TAF7: variants seen among roughly 807,000 people sequenced by gnomAD.
TAF7 encodes the protein transcription initiation factor TFIID subunit 7.
A neutral mutation model predicts 25.3 loss-of-function variants in TAF7; 9 were observed. The observed-to-expected ratio is 0.36, with a 90% CI of 0.21 to 0.62. The LOEUF is 0.62. Ranked by LOEUF, TAF7 falls within the 20% of genes least tolerant of loss-of-function variation. The probability of loss-of-function intolerance (pLI) is 0.72; values close to 1 mark genes in which losing one functional copy is unlikely to be tolerated. For synonymous variants in TAF7, 127 were observed against 146.7 expected (o/e 0.87, Z 0.97); for missense variants, 311 against 410.6 (o/e 0.76, Z 2.10).
In TAF7 at chr5:141,319,754, G is replaced by A. The variant is rs1430959909; in HGVS notation, c.291C>T (p.Ser97=). Residue 97 remains serine, a synonymous_variant, in exon 1 of 1, where the codon TCC becomes TCT. Transcript: ENST00000313368. This position sits in a 1 kb window ranked among gnomAD's most constrained non-coding sequence, Gnocchi z 5.3. Reference sequence around the variant, plus strand: ...GAGGATAGAGATCACCATCAACTGTGGATACAAGCATCTGACAGATATCAG... The same window carrying A: ...GAGGATAGAGATCACCATCAACTGTAGATACAAGCATCTGACAGATATCAG... ...KTADICQMLV[S]TVDGDLYPPV... 3 of 1,614,044 alleles carry A rather than the reference G, an allele frequency of 1.9e-6. No individual in the cohort carries two copies. The highest frequency in any genetic ancestry group is 2.5e-6 in the Non-Finnish European group (3 of 1,180,028).
chr5:141,319,762 G>C lies in TAF7; in HGVS notation c.283C>G (p.Leu95Val). The C allele has an allele frequency of 6.2e-7, 1 of 1,614,124 alleles. No homozygotes were observed. The highest frequency in any genetic ancestry group is 1.7e-5 in the Admixed American group (1 of 60,030). The change falls in exon 1 of 1, where the codon CTT becomes GTT. Residue 95 changes from leucine (L) to valine (V), a missense_variant. Leu to Val is a conservative substitution (Grantham distance 32). Coordinates refer to ENST00000313368, the MANE Select transcript of TAF7 (RefSeq NM_005642.3). The surrounding 1 kb of genome is among the most constrained non-coding windows in gnomAD (Gnocchi z 5.3). ...AGATCACCATCAACTGTGGATACAA[G>C]CATCTGACAGATATCAGCTGTCTTG... is the stretch of plus-strand genomic sequence containing the variant. ...FYKTADICQM[L>V]VSTVDGDLYP...
chr5:141,318,566 G>C lies in TAF7; in HGVS notation c.*429C>G, dbSNP rs1002930624. The C allele has an allele frequency of 6.5e-6, 1 of 154,668 alleles. No homozygotes were observed. The highest frequency in any genetic ancestry group is 1.4e-5 in the Non-Finnish European group (1 of 69,890). The allele number at this position is 154,668 out of a possible 1,614,324, so 9.6% of individuals were successfully genotyped here. A position where few individuals can be genotyped will look rare whatever the true frequency, so the allele number is the denominator to read the frequency against. The stretch of plus-strand genomic sequence containing the variant: ...TTTGCATCTCTACATATAGAAAGCT[G>C]CTTTGAATAACTGGGAAAACAATTA... On this transcript the variant is annotated 3_prime_UTR_variant, in exon 1 of 1. Coordinates refer to ENST00000313368, the MANE Select transcript of TAF7 (RefSeq NM_005642.3).
In TAF7 at chr5:141,320,045, C is replaced by T. The variant is rs1429205836; in HGVS notation, c.-1G>A. On this transcript the variant is annotated 5_prime_UTR_variant, in exon 1 of 1. Transcript: ENST00000313368. ...GAGCATCATCTTTGCTTTTACTCAT[C>T]TTTATTTCCTTGTGATTCACTTCTC... The T allele has an allele frequency of 6.2e-7, 1 of 1,603,448 alleles. No individual in the cohort carries two copies. Among genetic ancestry groups the T allele is most frequent in the Non-Finnish European group, 8.5e-7 (1 of 1,173,340 alleles).
rs1463199978 is a variant in TAF7 at position 141,318,773 on chromosome 5, A to G, written c.*222T>C. 2.4e-6 allele frequency: 1 copy of G among 421,260 alleles called. No homozygotes were observed. Among genetic ancestry groups the G allele is most frequent in the East Asian group, 3.9e-5 (1 of 25,770 alleles). The allele number at this position is 421,260 out of a possible 1,614,324, so 26.1% of individuals were successfully genotyped here. On this transcript the variant is annotated 3_prime_UTR_variant, in exon 1 of 1. Transcript: ENST00000313368. ...TCCGCTAATCCTGCAACTTTCCTAC[A>G]ATCATTTTTCTGCCTATACAATCCT...
At position 141,319,580 on chromosome 5, in the gene TAF7, TTTC is replaced by T. The variant is rs1332750549; in HGVS notation, c.462_464del (p.Lys155del). On this transcript the variant is annotated inframe_deletion, in exon 1 of 1. Transcript: ENST00000313368. The surrounding 1 kb of genome is among the most constrained non-coding windows in gnomAD (Gnocchi z 5.3). ...TTTCAACATCTGGAGATTCAATATA[TTTC>T]TTCTTTGCTGTCTTCCGGAACCTTC... The T allele has an allele frequency of 2.5e-6, 4 of 1,613,982 alleles. No homozygotes were observed. The highest frequency in any genetic ancestry group is 2.5e-6 in the Non-Finnish European group (3 of 1,180,032).
Position 141,319,418 on chromosome 5 carries a change from C to A in TAF7, c.627G>T (p.Gln209His), listed in dbSNP as rs769701777. The A allele has an allele frequency of 1.9e-6, 3 of 1,614,164 alleles. No homozygotes were observed. The highest frequency in any genetic ancestry group is 2.5e-6 in the Non-Finnish European group (3 of 1,180,038). ...CATCATGTTCTAATGAGTCATGGCC[C>A]TGCCTGTGACCAGACATTCCTGGAG... ...ISSPGMSGHR[Q>H]GHDSLEHDEL... The change falls in exon 1 of 1, where the codon CAG (glutamine) becomes CAT (histidine). Residue 209 changes from glutamine (Q) to histidine (H), a missense_variant. This residue lies in a region of TAF7 where 179 missense variants were observed against 206.7 expected (regional missense o/e 0.87). Transcript: ENST00000313368. The surrounding 1 kb of genome is among the most constrained non-coding windows in gnomAD (Gnocchi z 5.3).
In TAF7 at chr5:141,319,096, T is replaced by C; in HGVS notation, c.949A>G (p.Arg317Gly). 1 of 1,614,204 alleles carries C rather than the reference T, an allele frequency of 6.2e-7. No homozygotes were observed. Among genetic ancestry groups the C allele is most frequent in the Non-Finnish European group, 8.5e-7 (1 of 1,180,038 alleles). Residue 317 changes from arginine (R) to glycine (G), a missense_variant, in exon 1 of 1, where the codon AGA becomes GGA. Transcript: ENST00000313368. The surrounding 1 kb of genome is among the most constrained non-coding windows in gnomAD (Gnocchi z 5.3). ...MKVENLALKN[R>G]FQAVLDELKQ... Reference sequence around the variant, plus strand: ...AGCTCATCCAGTACAGCCTGAAATCTGTTCTTGAGAGCCAGATTTTCCACT... The same window carrying C: ...AGCTCATCCAGTACAGCCTGAAATCCGTTCTTGAGAGCCAGATTTTCCACT...
chr5:141,319,982 A>G lies in TAF7; in HGVS notation c.63T>C (p.Pro21=). 6.2e-7 allele frequency: 1 copy of G among 1,613,976 alleles called. No homozygotes were observed. Among genetic ancestry groups the G allele is most frequent in the Non-Finnish European group, 8.5e-7 (1 of 1,179,966 alleles). The change falls in exon 1 of 1, where the codon CCT becomes CCC. Residue 21 remains proline (P), a synonymous_variant. Coordinates refer to ENST00000313368, the MANE Select transcript of TAF7 (RefSeq NM_005642.3). The surrounding 1 kb of genome is among the most constrained non-coding windows in gnomAD (Gnocchi z 5.3). ...ELESQFILRL[P]PEYASTVRRA... ...TTCTCACAGTAGAGGCATATTCTGG[A>G]GGCAGACGTAAGATAAACTGGCTCT...
chr5:141,318,815 A>G lies in TAF7; in HGVS notation c.*180T>C. 3.6e-6 allele frequency: 2 copies of G among 558,160 alleles called. No homozygotes were observed. Among genetic ancestry groups the G allele is most frequent in the South Asian group, 5.7e-5 (2 of 34,802 alleles). 34.6% of individuals were successfully genotyped at this position (558,160 alleles called of 1,614,324 possible). On this transcript the variant is annotated 3_prime_UTR_variant, in exon 1 of 1. Coordinates refer to ENST00000313368, the MANE Select transcript of TAF7 (RefSeq NM_005642.3). ...TACAATCCTGCTTCTTATAGGATGA[A>G]CACCTAGCAAAACAATATAAATTTG...
In TAF7 at chr5:141,319,874, T is replaced by A; in HGVS notation, c.171A>T (p.Arg57Ser). 1 of 1,614,152 alleles carries A rather than the reference T, an allele frequency of 6.2e-7. No homozygotes were observed. Among genetic ancestry groups the A allele is most frequent in the Non-Finnish European group, 8.5e-7 (1 of 1,180,032 alleles). The change falls in exon 1 of 1, where the codon AGA becomes AGT. Residue 57 changes from arginine to serine, a missense_variant. Physicochemically the swap from Arg to Ser is moderately radical, Grantham distance 110. Around this residue, in one of 3 missense-constraint regions of TAF7, gnomAD observed 119 missense variants for 159.3 expected, o/e 0.75. Coordinates refer to ENST00000313368, the MANE Select transcript of TAF7 (RefSeq NM_005642.3). This position sits in a 1 kb window ranked among gnomAD's most constrained non-coding sequence, Gnocchi z 5.3. ...TTGAGGCCAATGGAACACGGTCCAC[T>A]CTGACGATTCCATGACGCCCATCAG... The part of the protein sequence containing the change: ...LHPDGRHGIV[R>S]VDRVPLASKL...
In TAF7 at chr5:141,320,327, G is replaced by C. The variant is rs1223751358; in HGVS notation, c.-283C>G. 3.3e-6 allele frequency: 1 copy of C among 299,658 alleles called. No individual in the cohort carries two copies. The highest frequency in any genetic ancestry group is 7.2e-5 in the East Asian group (1 of 13,946). The allele number at this position is 299,658 out of a possible 1,614,324, so 18.6% of individuals were successfully genotyped here. ...ATGCAATGCCAAGTCCCAACCTCTA[G>C]GTGCCGCTGCCGGACAACGCGGAGA... On this transcript the variant is annotated 5_prime_UTR_variant, in exon 1 of 1. Transcript: ENST00000313368.
At position 141,320,753 on chromosome 5, in the gene TAF7, G is replaced by T. The variant is rs770635055; in HGVS notation, c.-709C>A. 1.2e-5 allele frequency: 2 copies of T among 167,162 alleles called. No homozygotes were observed. The highest frequency in any genetic ancestry group is 2.4e-5 in the African/African-American group (1 of 41,478). The allele number at this position is 167,162 out of a possible 1,614,324, so 10.4% of individuals were successfully genotyped here. ...AGACCCCGCACCTCGCCGGCCCTCC[G>T]TCCGGGTCGCCTACCCAGCAAAAAC... On this transcript the variant is annotated 5_prime_UTR_variant, in exon 1 of 1. Coordinates refer to ENST00000313368, the MANE Select transcript of TAF7 (RefSeq NM_005642.3).
chr5:141,319,935 A>G lies in TAF7; in HGVS notation c.110T>C (p.Val37Ala). 1.2e-6 allele frequency: 2 copies of G among 1,613,986 alleles called. No homozygotes were observed. Among genetic ancestry groups the G allele is most frequent in the Non-Finnish European group, 8.5e-7 (1 of 1,179,956 alleles). Residue 37 changes from valine (V) to alanine (A), a missense_variant, in exon 1 of 1, where the codon GTC becomes GCC. This residue lies in a region of TAF7 where 119 missense variants were observed against 159.3 expected (regional missense o/e 0.75). Coordinates refer to ENST00000313368, the MANE Select transcript of TAF7 (RefSeq NM_005642.3). The surrounding 1 kb of genome is among the most constrained non-coding windows in gnomAD (Gnocchi z 5.3). The stretch of plus-strand genomic sequence containing the variant: ...AATTGTCAGTCTGTCCTTGAGGTTG[A>G]CATGACCAGACTGTACTGCCCTTCT... ...TVRRAVQSGH[V>A]NLKDRLTIEL...
Position 141,320,698 on chromosome 5 carries a change from A to T in TAF7, c.-654T>A, listed in dbSNP as rs934394508. On this transcript the variant is annotated 5_prime_UTR_variant, in exon 1 of 1. Coordinates refer to ENST00000313368, the MANE Select transcript of TAF7 (RefSeq NM_005642.3). Reference sequence around the variant, plus strand: ...AAGGGCCCGGGATGGGCAGCGCGAAATCTTGCCGAGAGGCGCAGCTCGCAT... The same window carrying T: ...AAGGGCCCGGGATGGGCAGCGCGAATTCTTGCCGAGAGGCGCAGCTCGCAT... 6.0e-6 allele frequency: 1 copy of T among 167,186 alleles called. No homozygotes were observed. The highest frequency in any genetic ancestry group is 1.5e-5 in the Non-Finnish European group (1 of 68,184). The allele number at this position is 167,186 out of a possible 1,614,324, so 10.4% of individuals were successfully genotyped here.
rs374515539 is a variant in TAF7, at chr5:141,319,290, T to G, written c.755A>C (p.Asp252Ala). The G allele has an allele frequency of 1.9e-6, 3 of 1,613,998 alleles. No homozygotes were observed. In the African/African-American group the frequency reaches 4.0e-5, roughly 22 times the overall value. ...CTTGTCCTGTAGCTGTCTCTCCAGATCTTCCTCCGTGTCAATGATGTTTAT... is the reference window on the plus strand; with the variant it reads ...CTTGTCCTGTAGCTGTCTCTCCAGAGCTTCCTCCGTGTCAATGATGTTTAT... ...EDINIIDTEE[D>A]LERQLQDKLN... Residue 252 changes from aspartate (D) to alanine (A), a missense_variant, in exon 1 of 1, where the codon GAT (aspartate) becomes GCT (alanine). Coordinates refer to ENST00000313368, the MANE Select transcript of TAF7 (RefSeq NM_005642.3). The surrounding 1 kb of genome is among the most constrained non-coding windows in gnomAD (Gnocchi z 5.3).
In TAF7 at chr5:141,320,150, T is replaced by A; in HGVS notation, c.-106A>T. The A allele has an allele frequency of 1.0e-6, 1 of 1,004,904 alleles. No homozygotes were observed. The highest frequency in any genetic ancestry group is 1.7e-5 in the South Asian group (1 of 58,876). 62.2% of individuals were successfully genotyped at this position (1,004,904 alleles called of 1,614,324 possible). Reference sequence around the variant, plus strand: ...CAGTTTGCTATGAATTGAAATCTTTTAATTACAAGAAGTTCTCTGTAGATC... The same window carrying A: ...CAGTTTGCTATGAATTGAAATCTTTAAATTACAAGAAGTTCTCTGTAGATC... On this transcript the variant is annotated 5_prime_UTR_variant, in exon 1 of 1. Coordinates refer to ENST00000313368, the MANE Select transcript of TAF7 (RefSeq NM_005642.3).
Position 141,319,688 on chromosome 5 carries a change from G to A in TAF7, c.357C>T (p.Ser119=). Residue 119 remains serine, a synonymous_variant, in exon 1 of 1, where the codon AGC becomes AGT. Coordinates refer to ENST00000313368, the MANE Select transcript of TAF7 (RefSeq NM_005642.3). This position sits in a 1 kb window ranked among gnomAD's most constrained non-coding sequence, Gnocchi z 5.3. The part of the protein sequence containing the change: ...EPVASTDPKA[S]KKKDKDKEKK... ...TCTCTTTGTCCTTATCCTTTTTCTT[G>A]CTTGCTTTAGGATCAGTGCTAGCAA... 1 of 1,613,952 alleles carries A rather than the reference G, an allele frequency of 6.2e-7. No homozygotes were observed. The highest frequency in any genetic ancestry group is 8.5e-7 in the Non-Finnish European group (1 of 1,180,016).
chr5:141,320,247 G>A lies in TAF7; in HGVS notation c.-203C>T. 3 of 590,782 alleles carry A rather than the reference G, an allele frequency of 5.1e-6. No individual in the cohort carries two copies. The highest frequency in any genetic ancestry group is 9.1e-6 in the Non-Finnish European group (3 of 328,772). 36.6% of individuals were successfully genotyped at this position (590,782 alleles called of 1,614,324 possible). A position where few individuals can be genotyped will look rare whatever the true frequency, so the allele number is the denominator to read the frequency against. ...TCTTTTCTCTAAATATGCTGTGACC[G>A]AATACCAGTCGTTAACACAAAGGCT... On this transcript the variant is annotated 5_prime_UTR_variant, in exon 1 of 1. Transcript: ENST00000313368.
Position 141,319,576 on chromosome 5 carries a change from T to C in TAF7, c.469A>G (p.Ile157Val). Residue 157 changes from isoleucine (I) to valine (V), a missense_variant, in exon 1 of 1, where the codon ATT becomes GTT. Physicochemically the swap from Ile to Val is conservative, Grantham distance 29. Around this residue, in one of 3 missense-constraint regions of TAF7, gnomAD observed 13 missense variants for 44.6 expected, o/e 0.29. Coordinates refer to ENST00000313368, the MANE Select transcript of TAF7 (RefSeq NM_005642.3). The surrounding 1 kb of genome is among the most constrained non-coding windows in gnomAD (Gnocchi z 5.3). ...RFRKTAKKKYIESPDVEKEVK... is the reference protein window; with the variant it reads ...RFRKTAKKKYVESPDVEKEVK... ...TCTTTTTCAACATCTGGAGATTCAA[T>C]ATATTTCTTCTTTGCTGTCTTCCGG... 2.5e-6 allele frequency: 4 copies of C among 1,614,096 alleles called. No homozygotes were observed. The highest frequency in any genetic ancestry group is 2.5e-6 in the Non-Finnish European group (3 of 1,180,024).
Sources: allele counts gnomAD v4.1 joint callset, GRCh38; gene constraint gnomAD v4.1.1; regional missense constraint gnomAD v4.1.1; non-coding constraint Gnocchi (gnomAD v3.1); transcripts MANE v1.5; gene names NCBI Gene and HGNC (gene_info 2026-07-23, HGNC 2026-07-21).